Variants in RNF128 observed in about 807,000 individuals in gnomAD.
RNF128 encodes the protein ring finger protein 128.
A neutral mutation model predicts 26.2 loss-of-function variants in RNF128; 13 were observed. The observed-to-expected ratio is 0.50, with a 90% confidence interval of 0.32 to 0.79. RNF128 has a LOEUF of 0.79. Among genes scored for constraint, RNF128 ranks in the 30% least tolerant of loss-of-function variants. RNF128 has a pLI of 0.03. For missense variants in RNF128, 315 were observed against 349.7 expected (o/e 0.90, Z 0.79); for synonymous variants, 149 against 142.5 (o/e 1.05, Z -0.32).
chrX:106,774,948 A>T (rs1333356797), intron 2 of RNF128, among the ~76,000 whole-genome samples: 1 of 112,286 alleles, frequency 8.9e-6, no homozygotes, highest in Non-Finnish European at 1.9e-5. Flanking sequence ...AATTTAATTT[A>T]GGAATAGATG....
At chrX:106,709,792 C>T (rs956542293) in intron 1 of RNF128, among the ~76,000 whole-genome samples, 1 of 111,522 alleles carries the variant, frequency 9.0e-6, no homozygotes, top group Non-Finnish European at 1.9e-5. Context: ...GTGATCCCAC[C>T]ACCTCGGCCT....
intron 1 of RNF128, among the ~76,000 whole-genome samples, chrX:106,769,092 T>C (rs1331480833): frequency 1.8e-5 from 2 of 112,190 alleles, no homozygotes; most frequent in Non-Finnish European, 3.8e-5. Flanking sequence ...TTTGTTATAA[T>C]TTCTGTTCTT....
chrX:106,776,210 T>C (rs1930462014), intron 2 of RNF128, among the ~76,000 whole-genome samples: 1 of 112,220 alleles, frequency 8.9e-6, no homozygotes, highest in African/African-American at 3.2e-5. Context: ...GACTCTAGCA[T>C]GGAGTACCAA....
chrX:106,730,027 C>A lies in RNF128; in HGVS notation c.484+2630C>A, dbSNP rs1163203816. ...AAGCCTTCTGTATCTTCTTTGTTTA[C>A]AAAATCTCTCTTCACTCACTCTCAT... On this transcript the variant is annotated intron_variant, in intron 1 of 6. Transcript: ENST00000255499. 5.4e-5 allele frequency among the ~76,000 whole-genome samples: 6 copies of A among 111,791 alleles called. No homozygotes were observed. The Admixed American group carries it at 5.7e-4, about 11-fold the overall frequency.
Position 106,791,105 on chromosome X carries a change from G to A in RNF128, c.1024G>A (p.Val342Ile). Residue 342 changes from valine to isoleucine, a missense_variant, in exon 6 of 7, where the codon GTA becomes ATA. Physicochemically the swap from Val to Ile is conservative, Grantham distance 29. Coordinates refer to ENST00000255499, the MANE Select transcript of RNF128 (RefSeq NM_194463.2). ...TGGATCAGTGTCTTTACAAGTCCCT[G>A]TATCCAATGAAATATCTAATAGTGC... ...EDGSVSLQVPVSNEISNSASS... is the reference protein window; with the variant it reads ...EDGSVSLQVPISNEISNSASS... 8.3e-7 allele frequency: 1 copy of A among 1,207,521 alleles called. No homozygotes were observed. The highest frequency in any genetic ancestry group is 1.1e-6 in the Non-Finnish European group (1 of 892,391).
rs866257835 is a variant in RNF128, at chrX:106,788,662, A to G, written c.887+662A>G. On this transcript the variant is annotated intron_variant, in intron 4 of 6. Coordinates refer to ENST00000255499, the MANE Select transcript of RNF128 (RefSeq NM_194463.2). ...TAGTATATAATATATAATTATATATACTATATAATATAGTATATAATATAT... is the reference window on the plus strand; with the variant it reads ...TAGTATATAATATATAATTATATATGCTATATAATATAGTATATAATATAT... Among the ~76,000 whole-genome samples, 239 of 64,532 alleles carry G rather than the reference A, an allele frequency of 3.7e-3. 3 individuals carry two copies. The highest frequency in any genetic ancestry group is 0.049 in the Middle Eastern group (2 of 41). 56.0% of individuals were successfully genotyped at this position (64,532 alleles called of 115,157 possible). A position where few individuals can be genotyped will look rare whatever the true frequency, so the allele number is the denominator to read the frequency against.
At chrX:106,753,712 A>C (rs1481113523) in intron 1 of RNF128, among the ~76,000 whole-genome samples, 1 of 112,122 alleles carries the variant, frequency 8.9e-6, no homozygotes, top group Non-Finnish European at 1.9e-5. Flanking sequence ...TAAGAAACAC[A>C]CTTCACCTAT....
intron 1 of RNF128, among the ~76,000 whole-genome samples, chrX:106,711,062 A>G (rs944896824): frequency 1.8e-5 from 2 of 111,953 alleles, no homozygotes; most frequent in African/African-American, 6.5e-5. Flanking sequence ...TTTGATCCAC[A>G]GCAAATATAA....
At chrX:106,713,487 C>T (rs1252320885) in intron 1 of RNF128, among the ~76,000 whole-genome samples, 1 of 111,480 alleles carries the variant, frequency 9.0e-6, no homozygotes, top group Non-Finnish European at 1.9e-5. Flanking sequence ...GCCTGGGCAA[C>T]AGAGTGAGAC....
chrX:106,790,421 A>T (rs973010263), intron 5 of RNF128, 139 bp downstream of exon 5: 5 of 354,567 alleles, frequency 1.4e-5, no homozygotes, highest in African/African-American at 7.9e-5. Flanking sequence ...TTTATATCAT[A>T]TAGACAATGA....
chrX:106,777,731 A>T lies in RNF128; in HGVS notation c.732+4571A>T, dbSNP rs759930078. 2.3e-3 allele frequency among the ~76,000 whole-genome samples: 259 copies of T among 111,763 alleles called. 3 individuals are homozygous for T. The highest frequency in any genetic ancestry group is 8.0e-3 in the African/African-American group (245 of 30,773). ...ACACCTGTCGTACCAGCACTTTGGG[A>T]GGCCGAGGCGGGTGGATCGCTTGAG... On this transcript the variant is annotated intron_variant, in intron 2 of 6. Transcript: ENST00000255499.
At chrX:106,768,727 C>A (rs1294224061) in intron 1 of RNF128, among the ~76,000 whole-genome samples, 4 of 111,553 alleles carry the variant, frequency 3.6e-5, no homozygotes, top group Non-Finnish European at 5.6e-5. Flanking sequence ...CTCTTCTGCT[C>A]TGATCTTAGT....
At chrX:106,788,301 T>C (rs1349639003) in intron 4 of RNF128, among the ~76,000 whole-genome samples, 3 of 62,521 alleles carry the variant, frequency 4.8e-5, no homozygotes, top group African/African-American at 1.9e-4. Context: ...ATATAGTATA[T>C]ATACTATATA....
At chrX:106,735,124 C>T (rs1285254346) in intron 1 of RNF128, among the ~76,000 whole-genome samples, 3 of 110,998 alleles carry the variant, frequency 2.7e-5, no homozygotes, top group South Asian at 3.8e-4. Flanking sequence ...TTGAATTTAC[C>T]GATAGTCTTA....
At chrX:106,783,489 G>T (rs1930599038) in intron 2 of RNF128, among the ~76,000 whole-genome samples, 1 of 111,185 alleles carries the variant, frequency 9.0e-6, no homozygotes, top group Non-Finnish European at 1.9e-5. Context: ...ATAAATGTCA[G>T]CTGGGGACGG....
intron 1 of RNF128, among the ~76,000 whole-genome samples, chrX:106,727,894 A>G (rs1445870962): frequency 2.7e-5 from 3 of 110,653 alleles, no homozygotes; most frequent in African/African-American, 6.6e-5. Context: ...CCTCATTGCA[A>G]TTTTGGTGGA....
intron 1 of RNF128, among the ~76,000 whole-genome samples, chrX:106,754,694 G>C (rs774581018): frequency 5.4e-4 from 60 of 110,249 alleles, no homozygotes; most frequent in African/African-American, 1.8e-3. Context: ...TGACCAGTGG[G>C]TTAATGTAGA....
intron 1 of RNF128, among the ~76,000 whole-genome samples, chrX:106,755,454 G>GA (rs1286142760): frequency 3.1e-4 from 32 of 102,592 alleles, no homozygotes; most frequent in South Asian, 2.5e-3. Flanking sequence ...AAGACATATC[G>GA]AAAAAAAAAA....
chrX:106,776,589 A>G lies in RNF128; in HGVS notation c.732+3429A>G, dbSNP rs1202801768. Among the ~76,000 whole-genome samples, 7 of 112,133 alleles carry G rather than the reference A, an allele frequency of 6.2e-5. No individual in the cohort carries two copies. In the East Asian group the frequency reaches 1.1e-3, roughly 18 times the overall value. ...GAAAGAGAATATACTCTAACACAAC[A>G]GAATCTATTAACTATTTTACTTAAA... On this transcript the variant is annotated intron_variant, in intron 2 of 6. Coordinates refer to ENST00000255499, the MANE Select transcript of RNF128 (RefSeq NM_194463.2).
Sources: gnomAD v4.1 joint callset for allele counts (sites outside exome capture counted in the v4.1 genomes callset) on GRCh38, gnomAD v4.1.1 for gene constraint, MANE v1.5 for transcripts, NCBI Gene and HGNC (gene_info 2026-07-23, HGNC 2026-07-21) for gene names.